LYST: variants seen among roughly 807,000 people sequenced by gnomAD.
LYST encodes lysosomal-trafficking regulator.
LYST carries 192 observed loss-of-function variants against 413.6 expected under a neutral mutation model. The ratio of observed to expected loss-of-function variants is 0.46; its 90% confidence interval spans 0.41 to 0.52. LYST has a LOEUF of 0.52. LYST is among the 20% of genes least tolerant of loss of function. The pLI is 0.00. For missense variants in LYST, 3,815 were observed against 4,499.9 expected (o/e 0.85, Z 4.35); for synonymous variants, 1,525 against 1,567.3 (o/e 0.97, Z 0.64).
chr1:235,867,126 G>C (rs988505078), upstream of LYST, among the ~76,000 whole-genome samples: 7 of 152,360 alleles, frequency 4.6e-5, no homozygotes, highest in South Asian at 2.1e-4. Flanking sequence ...GGGAAGGCAG[G>C]GGGGCGGGCC....
intron 20 of LYST, among the ~76,000 whole-genome samples, chr1:235,769,651 G>C (rs1372162756): frequency 1.3e-5 from 2 of 151,564 alleles, no homozygotes; most frequent in Non-Finnish European, 2.9e-5. Context: ...TAAAGGCAGA[G>C]AAAAAAATTA....
chr1:235,736,763 A>C (rs1335052839), intron 31 of LYST: 1 of 152,164 alleles, frequency 6.6e-6, no homozygotes, highest in African/African-American at 2.4e-5. Flanking sequence ...ATACTTTGCT[A>C]TCTTTCTTTG....
intron 15 of LYST, 21 bp downstream of exon 15, chr1:235,781,906 G>A (rs1669910465): frequency 3.3e-6 from 5 of 1,529,476 alleles, no homozygotes; most frequent in East Asian, 2.3e-5. Flanking sequence ...AAGTGCAGTG[G>A]TGCAATCATA....
chr1:235,675,446 C>T (rs1248160148), intron 50 of LYST, among the ~76,000 whole-genome samples: 3 of 152,078 alleles, frequency 2.0e-5, no homozygotes, highest in Non-Finnish European at 4.4e-5. Flanking sequence ...CTCCTTTTTT[C>T]GGTGTGCTCT....
intron 3 of LYST, among the ~76,000 whole-genome samples, chr1:235,822,791 T>C (rs1382240818): frequency 6.6e-6 from 1 of 152,184 alleles, no homozygotes; most frequent in African/African-American, 2.4e-5. Flanking sequence ...GTGATCAACA[T>C]GTTGTTATGT....
chr1:235,788,335 GTTTTTTGT>G (rs1166081399), intron 13 of LYST, among the ~76,000 whole-genome samples: 1 of 151,552 alleles, frequency 6.6e-6, no homozygotes, highest in African/African-American at 2.4e-5. Flanking sequence ...AATTTTTGTG[GTTTTTTGT>G]TTTTTTGTTT....
chr1:235,715,335 T>C lies in LYST; in HGVS notation c.9650A>G (p.Lys3217Arg). The C allele has an allele frequency of 6.2e-7, 1 of 1,613,958 alleles. No homozygotes were observed. Among genetic ancestry groups the C allele is most frequent in the South Asian group, 1.1e-5 (1 of 91,064 alleles). ...CATGGGGTCATCTTCTCTGGCTCCT[T>C]TGCGGTACTCTTCCTCCAAGTACTG... is the stretch of plus-strand genomic sequence containing the variant. ...TYKYLEEEYR[K>R]GAREDDPMPP... The change falls in exon 42 of 53, where the codon AAA (lysine) becomes AGA (arginine). Residue 3217 changes from lysine (K) to arginine (R), a missense_variant. Around this residue, in one of 4 missense-constraint regions of LYST, gnomAD observed 866 missense variants for 1,156.0 expected, o/e 0.75. Transcript: ENST00000389793.
chr1:235,792,012 T>G lies in LYST; in HGVS notation c.4230A>C (p.Ser1410=). ...LHAPNLSNGV[S]SQKYPGILNS... ...TTAAAATCCCAGGATACTTTTGTGA[T>G]GAAACACCGTTGCTTAAATTTGGAG... Residue 1410 remains serine (S), a synonymous_variant, in exon 12 of 53, where the codon TCA becomes TCC. Transcript: ENST00000389793. The G allele has an allele frequency of 1.2e-6, 2 of 1,614,146 alleles. No homozygotes were observed. The highest frequency in any genetic ancestry group is 1.1e-5 in the South Asian group (1 of 91,082).
chr1:235,662,747 C>T lies in LYST; in HGVS notation c.*193G>A. On this transcript the variant is annotated 3_prime_UTR_variant, in exon 53 of 53. Transcript: ENST00000389793. ...ATTGACACAATCTTCCAGATTATCA[C>T]TAAAATAGAACAGAACTTTCCTCTT... The T allele has an allele frequency of 1.5e-6, 1 of 665,658 alleles. No homozygotes were observed. 41.2% of individuals were successfully genotyped at this position (665,658 alleles called of 1,614,324 possible). A position where few individuals can be genotyped will look rare whatever the true frequency, so the allele number is the denominator to read the frequency against.
chr1:235,849,798 A>T (rs915758525), intron 1 of LYST, among the ~76,000 whole-genome samples: 1 of 134,422 alleles, frequency 7.4e-6, no homozygotes, highest in Non-Finnish European at 1.6e-5. Flanking sequence ...AAAAAAAAAA[A>T]CTTAGGAAGA....
chr1:235,728,867 A>G (rs1218042480), intron 37 of LYST, among the ~76,000 whole-genome samples: 1 of 152,146 alleles, frequency 6.6e-6, no homozygotes, highest in Admixed American at 6.5e-5. Context: ...TACAACATTC[A>G]TTCTCGAATT....
chr1:235,844,370 A>C (rs1276948060), intron 1 of LYST, among the ~76,000 whole-genome samples: 2 of 152,236 alleles, frequency 1.3e-5, no homozygotes, highest in Non-Finnish European at 2.9e-5. Context: ...GAAATTTTAG[A>C]TATCATATTC....
Position 235,810,300 on chromosome 1 carries a change from T to A in LYST, c.518A>T (p.Asp173Val). The A allele has an allele frequency of 6.2e-7, 1 of 1,614,180 alleles. No individual in the cohort carries two copies. ...LSTSDSEANSDEKGIAMNKHR... is the reference protein window; with the variant it reads ...LSTSDSEANSVEKGIAMNKHR... ...CTTATTCATTGCTATGCCTTTTTCATCTGAATTGGCTTCTGAATCTGAGGT... is the reference window on the plus strand; with the variant it reads ...CTTATTCATTGCTATGCCTTTTTCAACTGAATTGGCTTCTGAATCTGAGGT... The change falls in exon 5 of 53, where the codon GAT becomes GTT. Residue 173 changes from aspartate (D) to valine (V), a missense_variant. Transcript: ENST00000389793.
intron 15 of LYST, 38 bp downstream of exon 15, chr1:235,781,889 C>T (rs1046725908): frequency 7.2e-7 from 1 of 1,380,620 alleles, no homozygotes; most frequent in Admixed American, 1.7e-5. Context: ...CTCTGTCGCC[C>T]AGGCTGAAGT....
chr1:235,803,658 T>C (rs984318278), intron 7 of LYST, among the ~76,000 whole-genome samples: 9 of 152,092 alleles, frequency 5.9e-5, no homozygotes, highest in African/African-American at 2.2e-4. Flanking sequence ...TTAGAAAACA[T>C]TTTCACTTAA....
chr1:235,760,625 G>C (rs1277706905), intron 22 of LYST, among the ~76,000 whole-genome samples: 2 of 152,174 alleles, frequency 1.3e-5, no homozygotes, highest in Non-Finnish European at 2.9e-5. Flanking sequence ...CTCCACCCTA[G>C]ATCTACTGAT....
intron 1 of LYST, among the ~76,000 whole-genome samples, chr1:235,874,488 G>A (rs549239738): frequency 2.0e-5 from 3 of 152,198 alleles, no homozygotes; most frequent in African/African-American, 4.8e-5. Flanking sequence ...TTCTTGGAAA[G>A]CAGCCTCTAA....
chr1:235,776,689 GTT>G (rs1280485847), intron 17 of LYST, among the ~76,000 whole-genome samples: 4 of 143,924 alleles, frequency 2.8e-5, no homozygotes, highest in African/African-American at 1.0e-4. Flanking sequence ...ACAAATTAAA[GTT>G]TTTTTTTTTT....
At chr1:235,881,348 T>C (rs1681366254) in intron 1 of LYST, among the ~76,000 whole-genome samples, 2 of 152,192 alleles carry the variant, frequency 1.3e-5, no homozygotes, top group Non-Finnish European at 2.9e-5. Context: ...TACCTAAAAT[T>C]ACTCCTTGGA....
Sources: gnomAD v4.1 joint callset for allele counts (sites outside exome capture counted in the v4.1 genomes callset) on GRCh38, gnomAD v4.1.1 for gene constraint, gnomAD v4.1.1 regional missense constraint, MANE v1.5 for transcripts, NCBI Gene and HGNC (gene_info 2026-07-23, HGNC 2026-07-21) for gene names.